The following UTRN variants were observed in gnomAD, a reference collection of about 807,000 sequenced individuals.
UTRN encodes dystrophin-related protein 1.
A neutral mutation model predicts 463.9 loss-of-function variants in UTRN; 283 were observed. The ratio of observed to expected loss-of-function variants is 0.61; its 90% CI spans 0.55 to 0.67. The LOEUF (loss-of-function observed/expected upper bound fraction) is 0.67. Ranked by LOEUF, UTRN falls within the 30% of genes least tolerant of loss-of-function variation. The probability of loss-of-function intolerance (pLI) is 0.00; values close to 1 mark genes in which losing one functional copy is unlikely to be tolerated. For missense variants in UTRN, 3,922 were observed against 4,084.3 expected (o/e 0.96, Z 1.08); for synonymous variants, 1,442 against 1,431.5 (o/e 1.01, Z -0.17).
intron 54 of UTRN, among the ~76,000 whole-genome samples, chr6:144,735,876 A>G (rs1304201661): frequency 1.3e-5 from 2 of 152,086 alleles, no homozygotes; most frequent in Non-Finnish European, 2.9e-5. Context: ...TTGGGCACAC[A>G]TGTTTCAAAT....
At chr6:144,809,427 G>T (rs1234403497) in intron 65 of UTRN, among the ~76,000 whole-genome samples, 1 of 152,124 alleles carries the variant, frequency 6.6e-6, no homozygotes, top group African/African-American at 2.4e-5. Context: ...AGGTGTTAAT[G>T]ATACTGTGGT....
intron 3 of UTRN, among the ~76,000 whole-genome samples, chr6:144,414,585 G>T (rs1329059456): frequency 2.0e-5 from 3 of 152,164 alleles, no homozygotes; most frequent in Non-Finnish European, 4.4e-5. Flanking sequence ...TAAGTGTACA[G>T]TGTTTATAAG....
intron 34 of UTRN, among the ~76,000 whole-genome samples, chr6:144,510,436 T>A (rs900269410): frequency 6.6e-6 from 1 of 152,192 alleles, no homozygotes; most frequent in African/African-American, 2.4e-5. Flanking sequence ...GTTTATTCAG[T>A]ATATTATATG....
chr6:144,796,462 T>TA (rs1256412477), intron 63 of UTRN, among the ~76,000 whole-genome samples: 1 of 152,180 alleles, frequency 6.6e-6, no homozygotes, highest in East Asian at 1.9e-4. Context: ...AGAACTGAAT[T>TA]AAAATGTCCT....
At position 144,835,211 on chromosome 6, in the gene UTRN, A is replaced by G. The variant is rs1012962972; in HGVS notation, c.9666-569A>G. Among the ~76,000 whole-genome samples the G allele has an allele frequency of 1.6e-4, 25 of 152,366 alleles. No individual in the cohort carries two copies. The South Asian group carries it at 1.9e-3, about 11-fold the overall frequency. On this transcript the variant is annotated intron_variant, in intron 69 of 74. Coordinates refer to ENST00000367545, the MANE Select transcript of UTRN (RefSeq NM_007124.3). ...TGCATTAAATGTAGTTTCTTGTTCT[A>G]ATGCAGAGTGATCAACCCTAAAAAT... is the stretch of plus-strand genomic sequence containing the variant.
chr6:144,293,373 A>C (rs1426125832), intron 2 of UTRN, among the ~76,000 whole-genome samples: 1 of 152,190 alleles, frequency 6.6e-6, no homozygotes, highest in East Asian at 1.9e-4. Context: ...CTAATTTCAG[A>C]AATACCGTGT....
intron 2 of UTRN, among the ~76,000 whole-genome samples, chr6:144,293,872 A>G (rs531080195): frequency 1.3e-4 from 20 of 151,444 alleles, no homozygotes; most frequent in African/African-American, 4.6e-4. Context: ...AGCATTCATA[A>G]AAAGTGATAC....
chr6:144,717,998 T>C (rs767262921), intron 53 of UTRN, among the ~76,000 whole-genome samples: 19 of 152,134 alleles, frequency 1.2e-4, no homozygotes, highest in Non-Finnish European at 1.9e-4. Flanking sequence ...AAGAGTTAAG[T>C]CATCTACTTT....
chr6:144,429,830 C>A, intron 9 of UTRN, 89 bp downstream of exon 9: 1 of 1,398,262 alleles, frequency 7.2e-7, no homozygotes, highest in Non-Finnish European at 9.7e-7. Context: ...GGGTTTTTTT[C>A]TTGACTGAGA....
At chr6:144,524,612 GTA>G (rs987440205) in intron 41 of UTRN, among the ~76,000 whole-genome samples, 1 of 152,054 alleles carries the variant, frequency 6.6e-6, no homozygotes, top group African/African-American at 2.4e-5. Flanking sequence ...GGTTTTCTAG[GTA>G]TATGATCATG....
rs557842055 is a variant in UTRN at position 144,650,998 on chromosome 6, A to T, written c.7480-27408A>T. The stretch of plus-strand genomic sequence containing the variant: ...TTTATTTTAAAATTTTATTGTTAAT[A>T]ATAACCAGTGTTAACTCATAACAAG... On this transcript the variant is annotated intron_variant, in intron 51 of 74. Coordinates refer to ENST00000367545, the MANE Select transcript of UTRN (RefSeq NM_007124.3). Among the ~76,000 whole-genome samples the T allele has an allele frequency of 2.8e-4, 43 of 152,142 alleles. No homozygotes were observed. In the East Asian group the frequency reaches 7.5e-3, roughly 27 times the overall value.
chr6:144,731,924 C>T (rs1274957576), intron 54 of UTRN, among the ~76,000 whole-genome samples: 9 of 151,466 alleles, frequency 5.9e-5, no homozygotes, highest in East Asian at 1.9e-4. Context: ...TGTAGTGGTG[C>T]GATCTCGGCT....
At chr6:144,314,270 C>G (rs1775134375) in intron 2 of UTRN, among the ~76,000 whole-genome samples, 1 of 152,170 alleles carries the variant, frequency 6.6e-6, no homozygotes, top group Non-Finnish European at 1.5e-5. Context: ...CTTGGGTTGT[C>G]TGAGTGCAAG....
intron 34 of UTRN, among the ~76,000 whole-genome samples, chr6:144,500,540 G>A (rs183358166): frequency 6.6e-6 from 1 of 152,092 alleles, no homozygotes; most frequent in Non-Finnish European, 1.5e-5. Flanking sequence ...GGCCTTTATA[G>A]GTATTATTTT....
chr6:144,402,551 T>C (rs1783020036), intron 2 of UTRN, among the ~76,000 whole-genome samples: 1 of 152,184 alleles, frequency 6.6e-6, no homozygotes, highest in Non-Finnish European at 1.5e-5. Context: ...TTCTGATTTT[T>C]CTACCTGTAA....
rs1467901556 is a variant in UTRN, at chr6:144,378,664, TGA to T, written c.80-24457_80-24456del. On this transcript the variant is annotated intron_variant, in intron 2 of 74. Transcript: ENST00000367545. ...GTGTGCTGGAGCAAACTGAGGAGGG[TGA>T]GTGTTTCAAGACAAGGCTTGGCATA... Among the ~76,000 whole-genome samples, 9 of 151,860 alleles carry T rather than the reference TGA, an allele frequency of 5.9e-5. No homozygotes were observed. The East Asian group carries it at 1.7e-3, about 29-fold the overall frequency.
intron 2 of UTRN, among the ~76,000 whole-genome samples, chr6:144,377,215 T>G (rs1780540183): frequency 6.6e-6 from 1 of 152,106 alleles, no homozygotes; most frequent in East Asian, 1.9e-4. Flanking sequence ...TTTTTGTATT[T>G]CAATAGAGAA....
intron 51 of UTRN, among the ~76,000 whole-genome samples, chr6:144,668,817 C>T (rs1780693818): frequency 6.6e-6 from 1 of 152,092 alleles, no homozygotes; most frequent in South Asian, 2.1e-4. Context: ...TTTGGGAGGA[C>T]ACAAATATTC....
intron 74 of UTRN, among the ~76,000 whole-genome samples, chr6:144,847,093 A>C (rs578108286): frequency 6.6e-6 from 1 of 152,218 alleles, no homozygotes; most frequent in African/African-American, 2.4e-5. Context: ...ACATAAAGTC[A>C]CTCTAGATAG....
Sources: allele counts gnomAD v4.1 joint callset (sites outside exome capture counted in the v4.1 genomes callset), GRCh38; gene constraint gnomAD v4.1.1; transcripts MANE v1.5; gene names NCBI Gene and HGNC (gene_info 2026-07-23, HGNC 2026-07-21).